Variants in ARMC9 observed in about 807,000 individuals in gnomAD.
ARMC9 encodes the protein armadillo repeat containing 9.
In ARMC9, 94 loss-of-function variants were observed where a neutral mutation model predicts 107.0. The observed-to-expected ratio is 0.88, with a 90% CI of 0.74 to 1.04. The LOEUF (loss-of-function observed/expected upper bound fraction) is 1.04, where lower values mean the gene tolerates loss of function less well. Ranked by LOEUF, ARMC9 falls within the 50% of genes least tolerant of loss-of-function variation. The probability of loss-of-function intolerance (pLI) is 0.00; values close to 1 mark genes in which losing one functional copy is unlikely to be tolerated. For synonymous variants in ARMC9, 380 were observed against 396.9 expected (o/e 0.96, Z 0.51); for missense variants, 942 against 1,030.1 (o/e 0.91, Z 1.17).
intron 24 of ARMC9, chr2:231,371,188 G>T (rs2046006639): frequency 1.7e-6 from 1 of 578,390 alleles, no homozygotes; most frequent in Non-Finnish European, 3.3e-6. Flanking sequence ...CCAGCAGCTG[G>T]TGGCTGGCCT....
At chr2:231,338,856 G>A (rs971046242) in intron 20 of ARMC9, among the ~76,000 whole-genome samples, 1 of 151,884 alleles carries the variant, frequency 6.6e-6, no homozygotes, top group African/African-American at 2.4e-5. Context: ...ACATAAAAAT[G>A]TAATGTTTCT....
At chr2:231,231,369 A>G (rs1233449147) in intron 7 of ARMC9, among the ~76,000 whole-genome samples, 1 of 152,218 alleles carries the variant, frequency 6.6e-6, no homozygotes, top group Non-Finnish European at 1.5e-5. Context: ...AACTCTCTAT[A>G]TATATATGAA....
chr2:231,350,696 T>C (rs2045028325), intron 21 of ARMC9, among the ~76,000 whole-genome samples: 1 of 151,718 alleles, frequency 6.6e-6, no homozygotes, highest in South Asian at 2.1e-4. Context: ...TGAGGGAAGG[T>C]CAGGACCCTT....
At chr2:231,267,430 C>A (rs1488379601) in intron 12 of ARMC9, among the ~76,000 whole-genome samples, 1 of 152,070 alleles carries the variant, frequency 6.6e-6, no homozygotes, top group Non-Finnish European at 1.5e-5. Flanking sequence ...GGGGTTTCGC[C>A]ATGTTGGCCA....
At chr2:231,215,039 G>C in intron 4 of ARMC9, 38 bp downstream of exon 4, 2 of 1,600,610 alleles carry the variant, frequency 1.2e-6, no homozygotes, top group East Asian at 4.5e-5. Context: ...TCTGAGTGGT[G>C]TGTTAAGGAA....
intron 23 of ARMC9, among the ~76,000 whole-genome samples, chr2:231,366,121 T>C (rs2045806926): frequency 6.6e-6 from 1 of 152,236 alleles, no homozygotes; most frequent in Middle Eastern, 3.4e-3. Context: ...CAGAATCTGA[T>C]GGGGTAGACC....
chr2:231,212,927 G>A (rs561842098), intron 3 of ARMC9, among the ~76,000 whole-genome samples: 6 of 152,174 alleles, frequency 3.9e-5, no homozygotes, highest in Non-Finnish European at 8.8e-5. Flanking sequence ...ACCTTCCAGC[G>A]TAAGGCAGTA....
intron 19 of ARMC9, among the ~76,000 whole-genome samples, chr2:231,314,202 C>G (rs1019780998): frequency 6.6e-6 from 1 of 152,042 alleles, no homozygotes; most frequent in Non-Finnish European, 1.5e-5. Flanking sequence ...GCCTCACCCT[C>G]CCAAGTAGCT....
At chr2:231,216,219 G>A (rs1467993315) in intron 4 of ARMC9, among the ~76,000 whole-genome samples, 3 of 152,106 alleles carry the variant, frequency 2.0e-5, no homozygotes, top group Admixed American at 6.5e-5. Flanking sequence ...TTTAGAAACC[G>A]CTCCTGCTGG....
At chr2:231,288,596 G>T (rs999546908) in intron 17 of ARMC9, 10 of 470,992 alleles carry the variant, frequency 2.1e-5, no homozygotes, top group Non-Finnish European at 4.0e-5. Context: ...GTTGTTCTGT[G>T]TAGTGTTCAG....
intron 20 of ARMC9, among the ~76,000 whole-genome samples, chr2:231,341,721 T>C (rs1480218510): frequency 6.6e-6 from 1 of 151,916 alleles, no homozygotes; most frequent in African/African-American, 2.4e-5. Flanking sequence ...TGCTTTATAA[T>C]GTCTTTAAGT....
intron 3 of ARMC9, among the ~76,000 whole-genome samples, chr2:231,213,550 C>T (rs184252084): frequency 2.0e-4 from 30 of 151,210 alleles, no homozygotes; most frequent in Non-Finnish European, 2.1e-4. Flanking sequence ...AATCTCGGCT[C>T]ACCCCAACCT....
intron 18 of ARMC9, chr2:231,295,475 A>AG (rs1227149451): frequency 6.6e-6 from 1 of 152,378 alleles, no homozygotes; most frequent in Non-Finnish European, 1.5e-5. Flanking sequence ...CCTGCTTCTT[A>AG]CCTGGCCCTA....
chr2:231,235,872 C>T (rs1419651569), intron 8 of ARMC9, among the ~76,000 whole-genome samples: 1 of 152,216 alleles, frequency 6.6e-6, no homozygotes, highest in Non-Finnish European at 1.5e-5. Context: ...GAACTCCTGA[C>T]CTCAGGTGAT....
In ARMC9 at chr2:231,279,331, A is replaced by G. The variant is rs115248361; in HGVS notation, c.1551+873A>G. Among the ~76,000 whole-genome samples the G allele has an allele frequency of 6.8e-3, 1,039 of 152,282 alleles. 12 individuals carry two copies. Among genetic ancestry groups the G allele is most frequent in the African/African-American group, 0.023 (944 of 41,542 alleles). On this transcript the variant is annotated intron_variant, in intron 16 of 24. Transcript: ENST00000611582. The stretch of plus-strand genomic sequence containing the variant: ...CAAAAACAAATAATCAAATATGATT[A>G]TTCTCTCACTTGCCTTCTACAAGTG...
In ARMC9 at chr2:231,340,813, G is replaced by A. The variant is rs532754205; in HGVS notation, c.1879-4162G>A. Among the ~76,000 whole-genome samples the A allele has an allele frequency of 2.1e-3, 322 of 152,196 alleles. 1 individual carries two copies. Among genetic ancestry groups the A allele is most frequent in the African/African-American group, 7.2e-3 (299 of 41,550 alleles). On this transcript the variant is annotated intron_variant, in intron 20 of 24. Transcript: ENST00000611582. The stretch of plus-strand genomic sequence containing the variant: ...TGAGGCAGGAGAATCGCTTGAACCC[G>A]GGAGACGGAGGTTGCAGTGAGCCAA...
chr2:231,220,682 C>T (rs376696160), intron 5 of ARMC9, among the ~76,000 whole-genome samples: 83 of 150,928 alleles, frequency 5.5e-4, no homozygotes, highest in East Asian at 4.1e-3. Context: ...TTTAACAAAT[C>T]GACCCACCAC....
At chr2:231,286,078 G>A (rs566594547) in intron 17 of ARMC9, among the ~76,000 whole-genome samples, 42 of 152,244 alleles carry the variant, frequency 2.8e-4, no homozygotes, top group African/African-American at 9.4e-4. Flanking sequence ...GGAAGTGGAG[G>A]CAGAATTGAT....
rs188142004 is a variant in ARMC9, at chr2:231,205,948, C to T, written c.-41-250C>T. 3.4e-3 allele frequency among the ~76,000 whole-genome samples: 514 copies of T among 152,334 alleles called. 5 individuals are homozygous for T. The highest frequency in any genetic ancestry group is 0.011 in the African/African-American group (452 of 41,578). The stretch of plus-strand genomic sequence containing the variant: ...CTTGCCTCCGTCTGCCCCCCTCCCT[C>T]TGCTGTGACTGCCTTGGGCCCACCT... On this transcript the variant is annotated intron_variant, in intron 1 of 24. Coordinates refer to ENST00000611582, the MANE Select transcript of ARMC9 (RefSeq NM_001352754.2).
Sources: allele counts gnomAD v4.1 joint callset (sites outside exome capture counted in the v4.1 genomes callset), GRCh38; gene constraint gnomAD v4.1.1; transcripts MANE v1.5; gene names NCBI Gene and HGNC (gene_info 2026-07-23, HGNC 2026-07-21).